The following PTPN4 variants were observed in gnomAD, a reference collection of about 807,000 sequenced individuals.
PTPN4 encodes the protein protein tyrosine phosphatase non-receptor type 4.
Under a neutral mutation model 135.5 loss-of-function variants are expected in PTPN4, and 49 were observed. The ratio of observed to expected loss-of-function variants is 0.36; its 90% CI spans 0.29 to 0.46. PTPN4 has a LOEUF of 0.46. Ranked by LOEUF, PTPN4 falls within the 20% of genes least tolerant of loss-of-function variation. The pLI, the probability that PTPN4 is intolerant of heterozygous loss-of-function variation, is 1.00. For synonymous variants in PTPN4, 333 were observed against 369.9 expected (o/e 0.90, Z 1.14); for missense variants, 860 against 1,101.0 (o/e 0.78, Z 3.10).
At chr2:119,968,666 C>T (rs1304126934) in intron 26 of PTPN4, among the ~76,000 whole-genome samples, 1 of 152,054 alleles carries the variant, frequency 6.6e-6, no homozygotes, top group Admixed American at 6.5e-5. Flanking sequence ...GTGGTGGGCA[C>T]CTGTAGTCCC....
chr2:119,954,930 G>T (rs556100491), intron 19 of PTPN4, among the ~76,000 whole-genome samples: 2 of 152,236 alleles, frequency 1.3e-5, no homozygotes, highest in South Asian at 4.1e-4. Context: ...GACATTTTCA[G>T]CAATGTAGCC....
chr2:119,903,167 G>A (rs1172976296), intron 10 of PTPN4, among the ~76,000 whole-genome samples: 3 of 152,146 alleles, frequency 2.0e-5, no homozygotes, highest in Non-Finnish European at 4.4e-5. Flanking sequence ...AAAGGGAGAT[G>A]AAGCATGTGC....
Position 119,812,633 on chromosome 2 carries a change from A to G in PTPN4, c.138+2642A>G, listed in dbSNP as rs78695303. 8.1e-3 allele frequency among the ~76,000 whole-genome samples: 1,230 copies of G among 152,138 alleles called. 9 individuals carry two copies. Among genetic ancestry groups the G allele is most frequent in the Non-Finnish European group, 0.012 (784 of 67,996 alleles). The stretch of plus-strand genomic sequence containing the variant: ...TTGTGTTGTTTCAATGTCAAGTCCT[A>G]TTTTCACTGTGGCTTTGGTATAACC... On this transcript the variant is annotated intron_variant, in intron 2 of 26. Coordinates refer to ENST00000263708, the MANE Select transcript of PTPN4 (RefSeq NM_002830.4).
At chr2:119,867,301 A>C (rs1268670854) in intron 3 of PTPN4, among the ~76,000 whole-genome samples, 1 of 152,148 alleles carries the variant, frequency 6.6e-6, no homozygotes, top group Non-Finnish European at 1.5e-5. Context: ...GATTGTTGGA[A>C]TAAAGAAATT....
At chr2:119,782,708 AC>A (rs1553434772) in intron 1 of PTPN4, among the ~76,000 whole-genome samples, 2 of 40,414 alleles carry the variant, frequency 4.9e-5, no homozygotes, top group Non-Finnish European at 9.7e-5. Flanking sequence ...AAACCCCCCC[AC>A]CCCCCTTTTT....
In PTPN4 at chr2:119,981,565, T is replaced by C. The variant is rs1450020290; in HGVS notation, c.*4495T>C. The C allele has an allele frequency of 6.6e-6, 1 of 152,134 alleles. No homozygotes were observed. Among genetic ancestry groups the C allele is most frequent in the African/African-American group, 2.4e-5 (1 of 41,442 alleles). 9.4% of individuals were successfully genotyped at this position (152,134 alleles called of 1,614,324 possible). ...CTCTTAGAGAATTATGTAGATAAAA[T>C]GGAAATTACATAATCCTAAAACATT... is the stretch of plus-strand genomic sequence containing the variant. On this transcript the variant is annotated 3_prime_UTR_variant, in exon 27 of 27. Transcript: ENST00000263708.
At chr2:119,766,440 A>ATG (rs1491570463) in intron 1 of PTPN4, among the ~76,000 whole-genome samples, 3 of 87,400 alleles carry the variant, frequency 3.4e-5, no homozygotes, top group Non-Finnish European at 4.5e-5. Context: ...GTGTATGCGC[A>ATG]TGTGCGCGCG....
At chr2:119,834,612 A>G (rs1394777532) in intron 2 of PTPN4, among the ~76,000 whole-genome samples, 1 of 151,874 alleles carries the variant, frequency 6.6e-6, no homozygotes, top group Non-Finnish European at 1.5e-5. Flanking sequence ...TAAATATAAT[A>G]CCCTTCCATT....
intron 2 of PTPN4, among the ~76,000 whole-genome samples, chr2:119,852,497 A>G (rs1195604808): frequency 1.3e-5 from 2 of 152,222 alleles, no homozygotes; most frequent in Non-Finnish European, 2.9e-5. Context: ...CTTGTTTCTG[A>G]CAGCTTCAAT....
chr2:119,924,525 A>G (rs944619379), intron 12 of PTPN4, among the ~76,000 whole-genome samples: 3 of 152,106 alleles, frequency 2.0e-5, no homozygotes, highest in Non-Finnish European at 2.9e-5. Flanking sequence ...AATAACTTAT[A>G]ATAAGCCTAT....
intron 26 of PTPN4, among the ~76,000 whole-genome samples, chr2:119,975,981 A>T (rs146386296): frequency 0.026 from 3,539 of 138,408 alleles, 144 homozygotes; most frequent in African/African-American, 0.087. Flanking sequence ...ATTTTATTTT[A>T]TTTTTATTTA....
chr2:119,947,690 G>A (rs929519349), intron 18 of PTPN4, among the ~76,000 whole-genome samples: 1 of 151,604 alleles, frequency 6.6e-6, no homozygotes, highest in African/African-American at 2.4e-5. Context: ...AGCCACTCCA[G>A]ATAAACACTC....
At chr2:119,854,498 G>A (rs1574371379) in intron 2 of PTPN4, among the ~76,000 whole-genome samples, 1 of 152,130 alleles carries the variant, frequency 6.6e-6, no homozygotes, top group East Asian at 1.9e-4. Context: ...TTTGGGTGAC[G>A]ACTCTTTCTG....
chr2:119,914,013 A>G (rs1458347199), intron 10 of PTPN4, among the ~76,000 whole-genome samples: 3 of 152,138 alleles, frequency 2.0e-5, no homozygotes, highest in East Asian at 1.9e-4. Flanking sequence ...TACAAAATAT[A>G]TATTATGCCA....
chr2:119,932,684 C>T (rs1678923307), intron 14 of PTPN4, 135 bp downstream of exon 14: 2 of 1,076,138 alleles, frequency 1.9e-6, no homozygotes, highest in Non-Finnish European at 2.7e-6. Flanking sequence ...TTTGTTGCTC[C>T]AGAGCATTAT....
chr2:119,964,241 C>A (rs1316005412), intron 24 of PTPN4, among the ~76,000 whole-genome samples: 1 of 152,124 alleles, frequency 6.6e-6, no homozygotes, highest in Non-Finnish European at 1.5e-5. Flanking sequence ...TAGCATAAGA[C>A]TGATCCTTTA....
chr2:119,871,221 C>G (rs142971713), intron 3 of PTPN4, among the ~76,000 whole-genome samples: 1 of 149,674 alleles, frequency 6.7e-6, no homozygotes, highest in African/African-American at 2.5e-5. Flanking sequence ...GGCAAAGGCT[C>G]GGGAAATGTG....
chr2:119,925,660 C>A (rs938865145), intron 12 of PTPN4, among the ~76,000 whole-genome samples: 1 of 152,124 alleles, frequency 6.6e-6, no homozygotes, highest in Non-Finnish European at 1.5e-5. Context: ...ACTAAATAAA[C>A]TTTTTTTCCC....
At chr2:119,893,423 A>T (rs1366843067) in intron 9 of PTPN4, among the ~76,000 whole-genome samples, 1 of 152,224 alleles carries the variant, frequency 6.6e-6, no homozygotes, top group Non-Finnish European at 1.5e-5. Context: ...ATCTTGGGAC[A>T]TGTTAAATTT....
Sources: gnomAD v4.1 joint callset for allele counts (sites outside exome capture counted in the v4.1 genomes callset) on GRCh38, gnomAD v4.1.1 for gene constraint, MANE v1.5 for transcripts, NCBI Gene and HGNC (gene_info 2026-07-23, HGNC 2026-07-21) for gene names.